Variants in KCNAB1 observed in about 807,000 individuals in gnomAD.
KCNAB1 encodes the protein voltage-gated potassium channel subunit beta-1.
A neutral mutation model predicts 64.6 loss-of-function variants in KCNAB1; 35 were observed. The ratio of observed to expected loss-of-function variants is 0.54; its 90% CI spans 0.41 to 0.72. KCNAB1 has a LOEUF of 0.72. Among genes scored for constraint, KCNAB1 ranks in the 30% least tolerant of loss-of-function variants. KCNAB1 has a pLI of 0.00. For missense variants in KCNAB1, 401 were observed against 512.9 expected, an observed-to-expected ratio of 0.78 and a Z score of 2.11; for synonymous variants, 177 against 183.8, an observed-to-expected ratio of 0.96 and a Z score of 0.30.
At chr3:156,136,126 C>T (rs1020392159) in intron 1 of KCNAB1, among the ~76,000 whole-genome samples, 4 of 152,166 alleles carry the variant, frequency 2.6e-5, no homozygotes, top group African/African-American at 9.7e-5. Context: ...GGGCACAATC[C>T]ACATGGGTTA....
chr3:156,149,159 A>C (rs1715237620), intron 1 of KCNAB1, among the ~76,000 whole-genome samples: 1 of 152,060 alleles, frequency 6.6e-6, no homozygotes, highest in Non-Finnish European at 1.5e-5. Flanking sequence ...TAGACTGGAG[A>C]CATCAGTTCT....
intron 1 of KCNAB1, among the ~76,000 whole-genome samples, chr3:156,263,203 A>G (rs1718525058): frequency 6.6e-6 from 1 of 151,280 alleles, no homozygotes; most frequent in African/African-American, 2.4e-5. Flanking sequence ...TTAGTTTCTT[A>G]AGGTGACAGC....
intron 12 of KCNAB1, among the ~76,000 whole-genome samples, chr3:156,528,745 G>A (rs1718497820): frequency 6.6e-6 from 1 of 152,222 alleles, no homozygotes; most frequent in Non-Finnish European, 1.5e-5. Context: ...GATGCTTGGA[G>A]ATGGAGAGGA....
chr3:156,293,673 C>T (rs979803882), intron 1 of KCNAB1, among the ~76,000 whole-genome samples: 1 of 152,216 alleles, frequency 6.6e-6, no homozygotes, highest in African/African-American at 2.4e-5. Flanking sequence ...TAGGTCAACT[C>T]ATTGAAGCAT....
At chr3:156,326,638 C>T (rs1722983390) in intron 1 of KCNAB1, among the ~76,000 whole-genome samples, 2 of 152,138 alleles carry the variant, frequency 1.3e-5, no homozygotes, top group African/African-American at 4.8e-5. Flanking sequence ...ACAGTCTCAC[C>T]ATTCCTCACT....
chr3:156,260,232 C>G (rs910580691), intron 1 of KCNAB1, among the ~76,000 whole-genome samples: 1 of 152,140 alleles, frequency 6.6e-6, no homozygotes, highest in African/African-American at 2.4e-5. Flanking sequence ...TCTCTCTTAG[C>G]AAACCATGTT....
intron 8 of KCNAB1, among the ~76,000 whole-genome samples, chr3:156,487,377 G>C (rs1022177690): frequency 1.3e-5 from 2 of 152,120 alleles, no homozygotes; most frequent in African/African-American, 4.8e-5. Flanking sequence ...TGTTCAAATA[G>C]TGGAAAATAT....
At chr3:156,480,033 C>T (rs1379706054) in intron 8 of KCNAB1, among the ~76,000 whole-genome samples, 1 of 152,094 alleles carries the variant, frequency 6.6e-6, no homozygotes, top group African/African-American at 2.4e-5. Flanking sequence ...ATTGCAGTAT[C>T]CCAAATTTTC....
chr3:156,293,696 T>A (rs749484586), intron 1 of KCNAB1, among the ~76,000 whole-genome samples: 34 of 149,638 alleles, frequency 2.3e-4, no homozygotes, highest in Non-Finnish European at 2.9e-4. Context: ...GCTGTGTGAG[T>A]GCCTTTGCTT....
chr3:156,455,843 C>T (rs1159695164), intron 3 of KCNAB1: 1 of 152,120 alleles, frequency 6.6e-6, no homozygotes, highest in Non-Finnish European at 1.5e-5. Context: ...GGGTGTTGCT[C>T]CTAGAAACTC....
intron 2 of KCNAB1, among the ~76,000 whole-genome samples, chr3:156,422,885 G>T (rs1296452052): frequency 6.6e-6 from 1 of 152,166 alleles, no homozygotes; most frequent in Non-Finnish European, 1.5e-5. Context: ...CAGCGCAGCA[G>T]GAGAAAAATC....
chr3:156,354,093 A>G (rs74603582), intron 1 of KCNAB1, among the ~76,000 whole-genome samples: 14,259 of 143,402 alleles, frequency 0.099, 2,411 homozygotes, highest in African/African-American at 0.35. Flanking sequence ...GTGTATATAT[A>G]TAATATATGT....
At chr3:156,302,856 A>G (rs1191632708) in intron 1 of KCNAB1, among the ~76,000 whole-genome samples, 1 of 152,222 alleles carries the variant, frequency 6.6e-6, no homozygotes, top group Non-Finnish European at 1.5e-5. Flanking sequence ...TGACTTAAAA[A>G]TATATCTACC....
chr3:156,119,428 C>T (rs1713222366), upstream of KCNAB1, among the ~76,000 whole-genome samples: 1 of 152,230 alleles, frequency 6.6e-6, no homozygotes, highest in African/African-American at 2.4e-5. Flanking sequence ...AAAGAGCTAA[C>T]TGCACTTTCC....
At chr3:156,399,551 A>G (rs1559865841) in intron 1 of KCNAB1, among the ~76,000 whole-genome samples, 1 of 152,170 alleles carries the variant, frequency 6.6e-6, no homozygotes, top group Non-Finnish European at 1.5e-5. Context: ...GGACATGGCA[A>G]AGTTATTCAG....
At chr3:156,333,801 C>T (rs1723502831) in intron 1 of KCNAB1, among the ~76,000 whole-genome samples, 1 of 152,182 alleles carries the variant, frequency 6.6e-6, no homozygotes, top group Non-Finnish European at 1.5e-5. Context: ...TATTTGCTAA[C>T]ATGACAGGTA....
intron 1 of KCNAB1, among the ~76,000 whole-genome samples, chr3:156,344,681 C>T (rs192407561): frequency 6.6e-6 from 1 of 152,266 alleles, no homozygotes; most frequent in Admixed American, 6.5e-5. Flanking sequence ...TTCTGAGCAA[C>T]ATGGTCCGAG....
intron 1 of KCNAB1, among the ~76,000 whole-genome samples, chr3:156,121,474 T>C (rs1446583599): frequency 6.6e-6 from 1 of 152,182 alleles, no homozygotes; most frequent in Non-Finnish European, 1.5e-5. Flanking sequence ...GGCAAATCTC[T>C]ATGGGTTTTC....
In KCNAB1 at chr3:156,451,707, T is replaced by C. The variant is rs563886252; in HGVS notation, c.320-1192T>C. Among the ~76,000 whole-genome samples the C allele has an allele frequency of 2.0e-5, 3 of 152,244 alleles. No homozygotes were observed. In the South Asian group the frequency reaches 6.2e-4, roughly 32 times the overall value. On this transcript the variant is annotated intron_variant, in intron 2 of 13. Coordinates refer to ENST00000490337, the MANE Select transcript of KCNAB1 (RefSeq NM_172160.3). ...GGCTCTACTGCTCTCACTCCTGCCGTCCCTCCCTGGTGCTCCCACATTTCA... is the reference window on the plus strand; with the variant it reads ...GGCTCTACTGCTCTCACTCCTGCCGCCCCTCCCTGGTGCTCCCACATTTCA...
Sources: allele counts gnomAD v4.1 joint callset (sites outside exome capture counted in the v4.1 genomes callset), GRCh38; gene constraint gnomAD v4.1.1; transcripts MANE v1.5; gene names NCBI Gene and HGNC (gene_info 2026-07-23, HGNC 2026-07-21).